NEMF: variants seen among roughly 807,000 people sequenced by gnomAD.
The protein encoded by NEMF is nuclear export mediator factor.
Under a neutral mutation model 162.2 loss-of-function variants are expected in NEMF, and 89 were observed. That is an observed-to-expected ratio of 0.55 (90% CI 0.46 to 0.65). NEMF has a LOEUF of 0.65. Among genes scored for constraint, NEMF ranks in the 30% least tolerant of loss-of-function variants. NEMF has a pLI of 0.00. For missense variants in NEMF, 1,133 were observed against 1,261.9 expected, an observed-to-expected ratio of 0.90 and a Z score of 1.55; for synonymous variants, 421 against 404.5, an observed-to-expected ratio of 1.04 and a Z score of -0.49.
chr14:49,807,855 C>T (rs1891294417), intron 18 of NEMF, among the ~76,000 whole-genome samples: 1 of 152,062 alleles, frequency 6.6e-6, no homozygotes. Flanking sequence ...TTACCTGCCT[C>T]TGCCTCCCAA....
In NEMF at chr14:49,834,400, C is replaced by T. The variant is rs141985008; in HGVS notation, c.624G>A (p.Ser208=). The T allele has an allele frequency of 2.5e-5, 41 of 1,608,488 alleles. No homozygotes were observed. Among genetic ancestry groups the T allele is most frequent in the Admixed American group, 1.7e-4 (10 of 59,976 alleles). Residue 208 remains serine, a synonymous_variant, in exon 7 of 33, where the codon TCG becomes TCA. Transcript: ENST00000298310. The part of the protein sequence containing the change: ...IEHCLLENGF[S]GNVKVDEKLE... ...GTTTTTCATCCACTTTGACATTACC[C>T]GAGAATCCATTTTCTAAAAGACAGT...
chr14:49,795,947 G>C lies in NEMF; in HGVS notation c.2466-3C>G. ...GAAGTTTTTTCTTTTTCATTTCCCT[G>C]AATAAAAAAGACATGAAAACATTTC... On this transcript the variant is annotated splice_region_variant and splice_polypyrimidine_tract_variant and intron_variant, in intron 25 of 32. Transcript: ENST00000298310. 6.3e-7 allele frequency: 1 copy of C among 1,579,710 alleles called. No individual in the cohort carries two copies.
At chr14:49,820,552 T>A (rs530805886) in intron 16 of NEMF, 1 of 454,802 alleles carries the variant, frequency 2.2e-6, no homozygotes, top group South Asian at 1.6e-5. Context: ...GTGGATCACT[T>A]GAGGTCAGGA....
chr14:49,793,832 A>C (rs1191075342), intron 26 of NEMF, among the ~76,000 whole-genome samples: 1 of 152,160 alleles, frequency 6.6e-6, no homozygotes, highest in Non-Finnish European at 1.5e-5. Context: ...TGTACACTCA[A>C]ACTGACAATG....
At chr14:49,841,196 C>CAA (rs34039009) in intron 4 of NEMF, among the ~76,000 whole-genome samples, 1,111 of 56,796 alleles carry the variant, frequency 0.02, 47 homozygotes, top group African/African-American at 0.079. Context: ...AACTCTGTCT[C>CAA]AAAAAAAAAA....
At chr14:49,819,466 G>C (rs1025089685) in intron 16 of NEMF, among the ~76,000 whole-genome samples, 3 of 151,836 alleles carry the variant, frequency 2.0e-5, no homozygotes, top group African/African-American at 7.3e-5. Context: ...CCAGGCTGGA[G>C]TGCAGTGGCA....
intron 25 of NEMF, chr14:49,796,467 A>C: frequency 1.7e-5 from 5 of 288,374 alleles, no homozygotes; most frequent in South Asian, 5.9e-5. Flanking sequence ...GAGTCTACAT[A>C]CTCTGAATTT....
chr14:49,825,293 C>T (rs968480969), intron 16 of NEMF, among the ~76,000 whole-genome samples: 1 of 151,992 alleles, frequency 6.6e-6, no homozygotes, highest in African/African-American at 2.4e-5. Flanking sequence ...TCATCTTTCC[C>T]AGTGGGAAGT....
intron 5 of NEMF, among the ~76,000 whole-genome samples, chr14:49,839,248 T>C (rs1453134514): frequency 6.6e-6 from 1 of 151,928 alleles, no homozygotes; most frequent in East Asian, 1.9e-4. Flanking sequence ...CGGCTAATTT[T>C]TTTTTTTTAA....
chr14:49,830,669 C>T (rs975149943), intron 11 of NEMF, among the ~76,000 whole-genome samples: 25 of 152,322 alleles, frequency 1.6e-4, no homozygotes, highest in Admixed American at 5.2e-4. Context: ...TACAGGCGTG[C>T]GCCACCGCGC....
chr14:49,822,306 TA>T (rs1892110120), intron 16 of NEMF, among the ~76,000 whole-genome samples: 1 of 74,614 alleles, frequency 1.3e-5, no homozygotes, highest in African/African-American at 5.0e-5. Flanking sequence ...TAAAATAAAA[TA>T]AAAATAAAAG....
chr14:49,849,057 T>C (rs1893651893), intron 3 of NEMF, among the ~76,000 whole-genome samples: 1 of 152,150 alleles, frequency 6.6e-6, no homozygotes, highest in Non-Finnish European at 1.5e-5. Flanking sequence ...ATTCGCATTT[T>C]ATATACTCAC....
chr14:49,851,527 T>C (rs1021176176), intron 3 of NEMF, 36 bp downstream of exon 3: 2 of 1,376,362 alleles, frequency 1.5e-6, no homozygotes, highest in Non-Finnish European at 1.0e-6. Flanking sequence ...TAGTGAGCAA[T>C]CTCTTAAAAT....
At chr14:49,802,191 C>T (rs953435677) in intron 22 of NEMF, among the ~76,000 whole-genome samples, 1 of 151,878 alleles carries the variant, frequency 6.6e-6, no homozygotes, top group African/African-American at 2.4e-5. Flanking sequence ...TAGCAATCCA[C>T]CTGCCTCGGA....
intron 18 of NEMF, among the ~76,000 whole-genome samples, chr14:49,808,143 C>G (rs1461092359): frequency 6.6e-6 from 1 of 151,818 alleles, no homozygotes; most frequent in Non-Finnish European, 1.5e-5. Context: ...TTTTTACTTT[C>G]TTGATAATGT....
At chr14:49,810,616 C>G (rs1194276096) in intron 18 of NEMF, among the ~76,000 whole-genome samples, 1 of 152,138 alleles carries the variant, frequency 6.6e-6, no homozygotes, top group South Asian at 2.1e-4. Context: ...ATTTTCAATA[C>G]TGCTTTCGCT....
intron 5 of NEMF, among the ~76,000 whole-genome samples, chr14:49,838,805 C>T (rs1297357357): frequency 1.3e-5 from 2 of 152,068 alleles, no homozygotes; most frequent in Admixed American, 6.6e-5. Flanking sequence ...AGGATGGTCT[C>T]AATCTCCTGA....
intron 26 of NEMF, among the ~76,000 whole-genome samples, chr14:49,789,939 T>C (rs1890362741): frequency 6.6e-6 from 1 of 152,142 alleles, no homozygotes; most frequent in Non-Finnish European, 1.5e-5. Context: ...GAACAGGAAA[T>C]AAAGCAGCAA....
intron 3 of NEMF, among the ~76,000 whole-genome samples, chr14:49,848,833 C>CAAAAA: frequency 7.4e-5 from 3 of 40,768 alleles, no homozygotes; most frequent in East Asian, 7.2e-4. Flanking sequence ...GACTCCGTCT[C>CAAAAA]AAAAAAAAAA....
Sources: allele counts gnomAD v4.1 joint callset (sites outside exome capture counted in the v4.1 genomes callset), GRCh38; gene constraint gnomAD v4.1.1; transcripts MANE v1.5; gene names NCBI Gene and HGNC (gene_info 2026-07-23, HGNC 2026-07-21).